The following TFAP2D variants were observed in gnomAD, a reference collection of about 807,000 sequenced individuals.
The protein encoded by TFAP2D is transcription factor AP-2 delta, also known as transcription factor AP-2-delta.
In TFAP2D, 9 loss-of-function variants were observed where a neutral mutation model predicts 43.6. That is an observed-to-expected ratio of 0.21 (90% CI 0.12 to 0.36). The LOEUF (loss-of-function observed/expected upper bound fraction) is 0.36. TFAP2D is among the 10% of genes least tolerant of loss of function. The pLI is 1.00. For synonymous variants in TFAP2D, 256 were observed against 224.9 expected (o/e 1.14, Z -1.24); for missense variants, 513 against 561.4 (o/e 0.91, Z 0.87).
intron 7 of TFAP2D, among the ~76,000 whole-genome samples, chr6:50,768,795 TG>T (rs1448440192): frequency 6.6e-6 from 1 of 152,210 alleles, no homozygotes; most frequent in Non-Finnish European, 1.5e-5. Flanking sequence ...ATTTACATAA[TG>T]TTTTTCATAT....
intron 3 of TFAP2D, among the ~76,000 whole-genome samples, chr6:50,719,593 C>G (rs1768687340): frequency 6.6e-6 from 1 of 152,210 alleles, no homozygotes; most frequent in Non-Finnish European, 1.5e-5. Flanking sequence ...TAGCCACAGC[C>G]TGGGTGTTTG....
chr6:50,766,186 G>T (rs576106934), intron 7 of TFAP2D, among the ~76,000 whole-genome samples: 3 of 152,100 alleles, frequency 2.0e-5, no homozygotes, highest in African/African-American at 7.2e-5. Flanking sequence ...ATATATGAGG[G>T]TTTGTTTCTA....
chr6:50,753,863 ATTAT>A (rs1375139815), intron 7 of TFAP2D, among the ~76,000 whole-genome samples: 25 of 152,008 alleles, frequency 1.6e-4, no homozygotes, highest in African/African-American at 6.0e-4. Flanking sequence ...TGTAGTCAAA[ATTAT>A]TTATGTAGAT....
intron 3 of TFAP2D, among the ~76,000 whole-genome samples, chr6:50,725,162 A>G (rs1768790287): frequency 6.6e-6 from 1 of 152,154 alleles, no homozygotes; most frequent in Admixed American, 6.5e-5. Flanking sequence ...AATAAGATCT[A>G]ACAAGATATG....
At chr6:50,766,629 C>G (rs1319509647) in intron 7 of TFAP2D, among the ~76,000 whole-genome samples, 1 of 135,804 alleles carries the variant, frequency 7.4e-6, no homozygotes, top group Non-Finnish European at 1.6e-5. Flanking sequence ...ACTATTTATT[C>G]CTTTTGATAC....
intron 5 of TFAP2D, among the ~76,000 whole-genome samples, chr6:50,735,877 C>CATGAGACT (rs2114043034): frequency 6.6e-6 from 1 of 152,288 alleles, no homozygotes; most frequent in Admixed American, 6.5e-5. Context: ...TCATTGACTG[C>CATGAGACT]ATGAGACTTG....
intron 5 of TFAP2D, among the ~76,000 whole-genome samples, chr6:50,744,069 T>A (rs1769091390): frequency 6.6e-6 from 1 of 152,182 alleles, no homozygotes; most frequent in African/African-American, 2.4e-5. Flanking sequence ...ACTTTTAGGT[T>A]CAGGGGTGCA....
chr6:50,726,818 C>T (rs937597520), intron 3 of TFAP2D, among the ~76,000 whole-genome samples: 6 of 152,092 alleles, frequency 3.9e-5, no homozygotes, highest in Non-Finnish European at 8.8e-5. Flanking sequence ...GTCTTAGGTC[C>T]AGGAATCTGG....
At chr6:50,772,565 G>T in intron 7 of TFAP2D, 80 bp from the exon 8 acceptor site, 1 of 1,256,634 alleles carries the variant, frequency 8.0e-7, no homozygotes, top group African/African-American at 1.5e-5. Context: ...TGAATGTTCT[G>T]AATTATATGG....
Position 50,715,324 on chromosome 6 carries a change from C to A in TFAP2D, c.248C>A (p.Pro83Gln), listed in dbSNP as rs201400702. The A allele has an allele frequency of 3.7e-6, 6 of 1,613,994 alleles. No individual in the cohort carries two copies. The highest frequency in any genetic ancestry group is 2.7e-5 in the African/African-American group (2 of 74,906). ...SFHYEFQHSHPAVTPDAYSLN... is the reference protein window; with the variant it reads ...SFHYEFQHSHQAVTPDAYSLN... ...CATTACGAGTTTCAGCACAGCCACCCGGCCGTCACCCCCGACGCCTACTCT... is the reference window on the plus strand; with the variant it reads ...CATTACGAGTTTCAGCACAGCCACCAGGCCGTCACCCCCGACGCCTACTCT... The change falls in exon 2 of 8, where the codon CCG (proline) becomes CAG (glutamine). Residue 83 changes from proline (P) to glutamine (Q), a missense_variant. By Grantham distance (76) the Pro-to-Gln change is moderately conservative (BLOSUM62 -1). Transcript: ENST00000008391.
chr6:50,748,089 A>G (rs1476100994), intron 6 of TFAP2D, among the ~76,000 whole-genome samples: 2 of 152,008 alleles, frequency 1.3e-5, no homozygotes, highest in Non-Finnish European at 2.9e-5. Flanking sequence ...TATGCATCCT[A>G]TCTTCTTATT....
intron 3 of TFAP2D, among the ~76,000 whole-genome samples, chr6:50,720,381 G>C (rs1441814074): frequency 6.6e-6 from 1 of 150,900 alleles, no homozygotes; most frequent in African/African-American, 2.4e-5. Flanking sequence ...AAAACAAAGG[G>C]TGCTTTCCTT....
At chr6:50,766,392 T>G (rs1339672171) in intron 7 of TFAP2D, among the ~76,000 whole-genome samples, 1 of 152,130 alleles carries the variant, frequency 6.6e-6, no homozygotes, top group East Asian at 1.9e-4. Flanking sequence ...TTCCTATTTG[T>G]GTGAAAATGC....
intron 7 of TFAP2D, among the ~76,000 whole-genome samples, chr6:50,760,787 A>G (rs1477909326): frequency 6.6e-6 from 1 of 151,936 alleles, no homozygotes; most frequent in Non-Finnish European, 1.5e-5. Context: ...CATGGCCTAC[A>G]TTTAGAAGTT....
intron 5 of TFAP2D, among the ~76,000 whole-genome samples, chr6:50,739,716 G>A (rs1339884883): frequency 6.6e-6 from 1 of 152,076 alleles, no homozygotes; most frequent in Non-Finnish European, 1.5e-5. Flanking sequence ...TATTCTAGGA[G>A]GGGATGCTTC....
intron 7 of TFAP2D, among the ~76,000 whole-genome samples, chr6:50,769,765 T>C (rs1367826042): frequency 6.6e-6 from 1 of 152,198 alleles, no homozygotes; most frequent in Non-Finnish European, 1.5e-5. Flanking sequence ...AAGTACAGAA[T>C]ATCCAATTTC....
At chr6:50,719,920 T>G (rs1768691611) in intron 3 of TFAP2D, among the ~76,000 whole-genome samples, 2 of 152,212 alleles carry the variant, frequency 1.3e-5, no homozygotes, top group African/African-American at 2.4e-5. Context: ...ATCTCAGATG[T>G]TCCATTTTGA....
At chr6:50,728,609 C>T (rs764971223) in intron 3 of TFAP2D, among the ~76,000 whole-genome samples, 6 of 152,136 alleles carry the variant, frequency 3.9e-5, no homozygotes, top group African/African-American at 1.2e-4. Context: ...GTCTACACTC[C>T]GTAGGATGCC....
Position 50,745,220 on chromosome 6 carries a change from G to A in TFAP2D, c.997G>A (p.Ala333Thr), listed in dbSNP as rs761527547. 1 of 1,613,384 alleles carries A rather than the reference G, an allele frequency of 6.2e-7. No homozygotes were observed. The highest frequency in any genetic ancestry group is 1.3e-5 in the African/African-American group (1 of 74,854). ...ACATATGGAACAGAAAGAACAGACA[G>A]CAAGAAAAAAGATGATCCTGGCGAC... Reference protein sequence around the residue: ...RQHMEQKEQTARKKMILATKQ... With the variant: ...RQHMEQKEQTTRKKMILATKQ... The change falls in exon 6 of 8, where the codon GCA becomes ACA. Residue 333 changes from alanine to threonine, a missense_variant. Around this residue, in one of 3 missense-constraint regions of TFAP2D, gnomAD observed 199 missense variants for 227.9 expected, o/e 0.87. Coordinates refer to ENST00000008391, the MANE Select transcript of TFAP2D (RefSeq NM_172238.4).
Sources: allele counts gnomAD v4.1 joint callset (sites outside exome capture counted in the v4.1 genomes callset), GRCh38; gene constraint gnomAD v4.1.1; regional missense constraint gnomAD v4.1.1; transcripts MANE v1.5; gene names NCBI Gene and HGNC (gene_info 2026-07-23, HGNC 2026-07-21).